Variants in CCDC138 observed in about 807,000 individuals in gnomAD.
CCDC138 encodes the protein coiled-coil domain containing 138.
In CCDC138, 66 loss-of-function variants were observed where a neutral mutation model predicts 82.3. The ratio of observed to expected loss-of-function variants is 0.80; its 90% CI spans 0.66 to 0.98. CCDC138 has a LOEUF of 0.98. Ranked by LOEUF, CCDC138 falls within the 50% of genes least tolerant of loss-of-function variation. The probability of loss-of-function intolerance (pLI) is 0.00; values close to 1 mark genes in which losing one functional copy is unlikely to be tolerated. For missense variants in CCDC138, 816 were observed against 758.9 expected, an observed-to-expected ratio of 1.08 and a Z score of -0.88; for synonymous variants, 297 against 265.4, an observed-to-expected ratio of 1.12 and a Z score of -1.16.
At chr2:108,791,497 A>T in intron 3 of CCDC138, 178 bp from the exon 4 acceptor site, 1 of 670,576 alleles carries the variant, frequency 1.5e-6, no homozygotes, top group Non-Finnish European at 2.7e-6. Context: ...GTGGGTTATC[A>T]ATGATCAGTG....
rs1164718118 is a variant in CCDC138 at position 108,831,630 on chromosome 2, A to G, written c.1207-7555A>G. Reference sequence around the variant, plus strand: ...AGCACACATCAGAATCTCTTGCAGGACTTGTTAAAACTCAGGTTCCTAGGT... The same window carrying G: ...AGCACACATCAGAATCTCTTGCAGGGCTTGTTAAAACTCAGGTTCCTAGGT... On this transcript the variant is annotated intron_variant, in intron 10 of 14. Transcript: ENST00000295124. 2.6e-5 allele frequency among the ~76,000 whole-genome samples: 4 copies of G among 152,128 alleles called. No individual in the cohort carries two copies. The East Asian group carries it at 5.8e-4, about 22-fold the overall frequency.
At chr2:108,825,668 T>C (rs1349890942) in intron 10 of CCDC138, among the ~76,000 whole-genome samples, 1 of 152,220 alleles carries the variant, frequency 6.6e-6, no homozygotes, top group Non-Finnish European at 1.5e-5. Flanking sequence ...TAATCTATAA[T>C]ATAGATATAA....
intron 10 of CCDC138, among the ~76,000 whole-genome samples, chr2:108,826,273 T>C (rs1319483095): frequency 6.6e-6 from 1 of 152,172 alleles, no homozygotes; most frequent in African/African-American, 2.4e-5. Flanking sequence ...TAAAGTCCAA[T>C]TTATGCTTTT....
At chr2:108,831,700 TCTTCCTTCCTTC>T (rs71383803) in intron 10 of CCDC138, among the ~76,000 whole-genome samples, 90 of 145,260 alleles carry the variant, frequency 6.2e-4, no homozygotes, top group Non-Finnish European at 1.1e-3. Flanking sequence ...TGGCACAGAA[TCTTCCTTCCTTC>T]CTTCCTTCCT....
At chr2:108,850,602 C>A (rs946793972) in intron 12 of CCDC138, among the ~76,000 whole-genome samples, 1 of 152,108 alleles carries the variant, frequency 6.6e-6, no homozygotes, top group Non-Finnish European at 1.5e-5. Context: ...CAGGCACGCA[C>A]CACCACACCC....
chr2:108,853,974 ATAATATATAATATATAATAAATTTATATT>A (rs1692084789), intron 12 of CCDC138, among the ~76,000 whole-genome samples: 3 of 104,860 alleles, frequency 2.9e-5, no homozygotes, highest in Admixed American at 1.4e-4. Context: ...TAAAATATAT[ATAATATATAATATATAATAAATTTATATT>A]ATATATAATA....
intron 10 of CCDC138, among the ~76,000 whole-genome samples, chr2:108,822,274 A>G (rs1685833288): frequency 6.6e-6 from 1 of 152,248 alleles, no homozygotes; most frequent in African/African-American, 2.4e-5. Flanking sequence ...AGAAATATTT[A>G]TGCCCTGAAA....
chr2:108,796,614 T>C (rs1680951024), intron 5 of CCDC138, among the ~76,000 whole-genome samples: 1 of 152,198 alleles, frequency 6.6e-6, no homozygotes, highest in African/African-American at 2.4e-5. Flanking sequence ...ATGTGGTATC[T>C]ATACACAATG....
intron 7 of CCDC138, among the ~76,000 whole-genome samples, chr2:108,809,450 G>T (rs13387338): frequency 0.25 from 3,578 of 14,264 alleles, 124 homozygotes; most frequent in African/African-American, 0.4. Context: ...ATGAAATGTT[G>T]TGTGTGTGTG....
chr2:108,815,936 T>C lies in CCDC138; in HGVS notation c.1042-5T>C. On this transcript the variant is annotated splice_polypyrimidine_tract_variant and splice_region_variant and intron_variant, in intron 9 of 14. Coordinates refer to ENST00000295124, the MANE Select transcript of CCDC138 (RefSeq NM_144978.3). ...GAAATAAATGATTTAATTTTTGACA[T>C]ATAGGTACCACTTAATGGGCAAGTT... The C allele has an allele frequency of 6.3e-7, 1 of 1,598,594 alleles. No homozygotes were observed. Among genetic ancestry groups the C allele is most frequent in the Non-Finnish European group, 8.5e-7 (1 of 1,174,680 alleles).
At chr2:108,789,156 A>G (rs1310463747) in intron 3 of CCDC138, among the ~76,000 whole-genome samples, 190 bp downstream of exon 3, 1 of 152,266 alleles carries the variant, frequency 6.6e-6, no homozygotes, top group African/African-American at 2.4e-5. Context: ...TCTGTAATAA[A>G]AGCATAGACC....
intron 12 of CCDC138, among the ~76,000 whole-genome samples, chr2:108,854,021 A>C (rs1692153745): frequency 8.9e-6 from 1 of 111,818 alleles, no homozygotes; most frequent in Non-Finnish European, 1.7e-5. Flanking sequence ...ATATATAATA[A>C]ATTTATATTA....
At chr2:108,793,158 C>T (rs1410386930) in intron 4 of CCDC138, among the ~76,000 whole-genome samples, 1 of 151,086 alleles carries the variant, frequency 6.6e-6, no homozygotes, top group South Asian at 2.1e-4. Context: ...GAGATCCAGA[C>T]CATCCTGGCT....
chr2:108,800,186 T>C (rs1255631755), intron 6 of CCDC138, among the ~76,000 whole-genome samples: 3 of 152,274 alleles, frequency 2.0e-5, no homozygotes, highest in Non-Finnish European at 4.4e-5. Flanking sequence ...ATGCATAGAT[T>C]TTGGGTTCTA....
chr2:108,855,180 A>G (rs539626004), intron 12 of CCDC138, among the ~76,000 whole-genome samples: 1 of 152,318 alleles, frequency 6.6e-6, no homozygotes, highest in Non-Finnish European at 1.5e-5. Context: ...ATTAAAATGA[A>G]GACAAAATGA....
intron 14 of CCDC138, among the ~76,000 whole-genome samples, chr2:108,873,937 G>A (rs1306289457): frequency 2.0e-5 from 3 of 152,132 alleles, no homozygotes; most frequent in African/African-American, 4.8e-5. Context: ...TTATACAGAT[G>A]TAGAAAATTA....
intron 4 of CCDC138, among the ~76,000 whole-genome samples, chr2:108,793,657 C>T (rs998247013): frequency 1.3e-5 from 2 of 151,048 alleles, no homozygotes. Context: ...AGTGCAGTAG[C>T]GCGATCTGGG....
intron 4 of CCDC138, among the ~76,000 whole-genome samples, chr2:108,793,902 A>G (rs1361097810): frequency 1.3e-5 from 2 of 151,822 alleles, no homozygotes; most frequent in East Asian, 3.9e-4. Context: ...GCGCCCTGCC[A>G]CCCTCAGGAA....
At chr2:108,824,785 T>C (rs950147136) in intron 10 of CCDC138, among the ~76,000 whole-genome samples, 6 of 152,278 alleles carry the variant, frequency 3.9e-5, no homozygotes, top group African/African-American at 1.2e-4. Flanking sequence ...ACACCAGCAT[T>C]GTCACAAACA....
Sources: gnomAD v4.1 joint callset for allele counts (sites outside exome capture counted in the v4.1 genomes callset) on GRCh38, gnomAD v4.1.1 for gene constraint, MANE v1.5 for transcripts, NCBI Gene and HGNC (gene_info 2026-07-23, HGNC 2026-07-21) for gene names.